The following UBE4B variants were observed in gnomAD, a reference collection of about 807,000 sequenced individuals.
UBE4B encodes ubiquitin conjugation factor E4 B.
In UBE4B, 27 loss-of-function variants were observed where a neutral mutation model predicts 148.1. The observed-to-expected ratio is 0.18, with a 90% CI of 0.13 to 0.25. The LOEUF (loss-of-function observed/expected upper bound fraction) is 0.25. Ranked by LOEUF, UBE4B falls within the 10% of genes least tolerant of loss-of-function variation. The probability of loss-of-function intolerance (pLI) is 1.00; values close to 1 mark genes in which losing one functional copy is unlikely to be tolerated. For missense variants in UBE4B, 1,170 were observed against 1,662.4 expected, an observed-to-expected ratio of 0.70 and a Z score of 5.15; for synonymous variants, 596 against 619.3, an observed-to-expected ratio of 0.96 and a Z score of 0.56.
intron 7 of UBE4B, among the ~76,000 whole-genome samples, chr1:10,108,304 A>G (rs1645156507): frequency 6.6e-6 from 1 of 151,316 alleles, no homozygotes; most frequent in African/African-American, 2.4e-5. Flanking sequence ...TTTCATGTCT[A>G]GCCTTAAATT....
chr1:10,052,041 G>A (rs1570783327), intron 1 of UBE4B, among the ~76,000 whole-genome samples: 1 of 151,798 alleles, frequency 6.6e-6, no homozygotes, highest in Non-Finnish European at 1.5e-5. Flanking sequence ...TCAGTGCTTG[G>A]TATAAATTCT....
chr1:10,154,475 G>T (rs1646034248), intron 21 of UBE4B, among the ~76,000 whole-genome samples: 2 of 152,136 alleles, frequency 1.3e-5, no homozygotes, highest in African/African-American at 4.8e-5. Context: ...TTATTCAATG[G>T]AAATAATTAC....
At chr1:10,051,043 A>T (rs528802506) in intron 1 of UBE4B, among the ~76,000 whole-genome samples, 1 of 151,870 alleles carries the variant, frequency 6.6e-6, no homozygotes, top group African/African-American at 2.4e-5. Context: ...GACTTGCTCT[A>T]TGGCCCAGGC....
chr1:10,061,528 G>C (rs1489228810), intron 1 of UBE4B, among the ~76,000 whole-genome samples: 2 of 152,144 alleles, frequency 1.3e-5, no homozygotes, highest in African/African-American at 4.8e-5. Context: ...TGGTATTACA[G>C]GGGTGAGCCA....
At chr1:10,104,650 T>C (rs1046836267) in intron 5 of UBE4B, among the ~76,000 whole-genome samples, 3 of 152,250 alleles carry the variant, frequency 2.0e-5, no homozygotes, top group African/African-American at 7.2e-5. Flanking sequence ...GCAGACCATG[T>C]ATTTGAAACT....
rs1428005302 is a variant in UBE4B at position 10,137,929 on chromosome 1, T to TC, written c.2363+724_2363+725insC. On this transcript the variant is annotated intron_variant, in intron 17 of 27. Coordinates refer to ENST00000343090, the MANE Select transcript of UBE4B (RefSeq NM_001105562.3). Reference sequence around the variant, plus strand: ...TAAATCACTTACTAATTCTTTTTTTTTTTTTTTTTTTTTTTTTTTTTTTGA... The same window carrying TC: ...TAAATCACTTACTAATTCTTTTTTTTCTTTTTTTTTTTTTTTTTTTTTTTGA... Among the ~76,000 whole-genome samples the TC allele has an allele frequency of 5.0e-5, 6 of 120,498 alleles. 1 individual carries two copies. The highest frequency in any genetic ancestry group is 7.0e-5 in the Non-Finnish European group (4 of 57,262). 79.1% of individuals were successfully genotyped at this position (120,498 alleles called of 152,430 possible).
intron 9 of UBE4B, 27 bp from the exon 10 acceptor site, chr1:10,121,935 C>A: frequency 1.3e-6 from 2 of 1,521,848 alleles, no homozygotes; most frequent in Non-Finnish European, 1.8e-6. Context: ...GACTTCATCA[C>A]CGTCCCTAAT....
At chr1:10,090,357 C>T (rs1387007889) in intron 2 of UBE4B, among the ~76,000 whole-genome samples, 1 of 151,782 alleles carries the variant, frequency 6.6e-6, no homozygotes, top group South Asian at 2.1e-4. Context: ...TGGACTGAAG[C>T]GATCTACTCC....
Position 10,168,101 on chromosome 1 carries a change from C to T in UBE4B, c.3199-35C>T, listed in dbSNP as rs995189478. 8.1e-6 allele frequency: 13 copies of T among 1,597,340 alleles called. No individual in the cohort carries two copies. In the Admixed American group the frequency reaches 1.0e-4, roughly 13 times the overall value. On this transcript the variant is annotated intron_variant, in intron 23 of 27. Transcript: ENST00000343090. The surrounding 1 kb of genome is among the most constrained non-coding windows in gnomAD (Gnocchi z 4.9). ...GCTTTGCTGAGCTGATGACCAGGAC[C>T]GAGCCTTACTCAGCGTCTGTTCGAT... is the stretch of plus-strand genomic sequence containing the variant.
chr1:10,059,205 T>G (rs1304138122), intron 1 of UBE4B: 1 of 151,906 alleles, frequency 6.6e-6, no homozygotes, highest in African/African-American at 2.4e-5. Context: ...ATTCCAGCCC[T>G]GGGGGACAGA....
At chr1:10,145,281 G>C in intron 18 of UBE4B, 1 of 296,424 alleles carries the variant, frequency 3.4e-6, no homozygotes, top group Non-Finnish European at 6.3e-6. Flanking sequence ...ATTCTTAATG[G>C]GTTTTATGAT....
At position 10,139,492 on chromosome 1, in the gene UBE4B, G is replaced by A. The variant is rs1375051329; in HGVS notation, c.2363+2287G>A. Reference sequence around the variant, plus strand: ...GAATTATGTTGTTTCTTCCTTAAATGTCAGAAAAAATTCAGTGATGAAGTT... The same window carrying A: ...GAATTATGTTGTTTCTTCCTTAAATATCAGAAAAAATTCAGTGATGAAGTT... On this transcript the variant is annotated intron_variant, in intron 17 of 27. Transcript: ENST00000343090. 4.6e-5 allele frequency among the ~76,000 whole-genome samples: 7 copies of A among 152,034 alleles called. No individual in the cohort carries two copies. The East Asian group carries it at 1.3e-3, about 29-fold the overall frequency.
At chr1:10,112,165 T>G (rs1645232638) in intron 7 of UBE4B, among the ~76,000 whole-genome samples, 1 of 152,140 alleles carries the variant, frequency 6.6e-6, no homozygotes, top group African/African-American at 2.4e-5. Flanking sequence ...GATGCAGCTC[T>G]GTTTCTATTA....
intron 25 of UBE4B, among the ~76,000 whole-genome samples, chr1:10,177,129 T>C (rs114168698): frequency 0.018 from 2,715 of 152,212 alleles, 36 homozygotes; most frequent in Non-Finnish European, 0.028. Flanking sequence ...TCATATCAGA[T>C]GATACATGTA....
At position 10,106,724 on chromosome 1, in the gene UBE4B, G is replaced by A; in HGVS notation, c.1196+141G>A. 1 of 1,153,532 alleles carries A rather than the reference G, an allele frequency of 8.7e-7. No homozygotes were observed. The allele number at this position is 1,153,532 out of a possible 1,614,324, so 71.5% of individuals were successfully genotyped here. Reference sequence around the variant, plus strand: ...TTAACCTGTGTGGCTAACTAGTTTGGTAGGCACGTACTCTGAGTCCATGCT... The same window carrying A: ...TTAACCTGTGTGGCTAACTAGTTTGATAGGCACGTACTCTGAGTCCATGCT... On this transcript the variant is annotated intron_variant, in intron 7 of 27. Coordinates refer to ENST00000343090, the MANE Select transcript of UBE4B (RefSeq NM_001105562.3). This position sits in a 1 kb window ranked among gnomAD's most constrained non-coding sequence, Gnocchi z 4.2.
chr1:10,100,893 A>G (rs569984627), intron 3 of UBE4B: 50 of 521,502 alleles, frequency 9.6e-5, no homozygotes, highest in African/African-American at 8.7e-4. Flanking sequence ...GAAAATGACA[A>G]CTTAGGAAAA....
chr1:10,095,702 T>A (rs751767399), intron 3 of UBE4B, 106 bp downstream of exon 3: 56 of 1,307,252 alleles, frequency 4.3e-5, no homozygotes, highest in Non-Finnish European at 6.0e-5. Flanking sequence ...TAGAGACCCA[T>A]GCCAGTCCTT....
chr1:10,101,890 G>A (rs914160006), intron 4 of UBE4B, among the ~76,000 whole-genome samples: 1 of 152,064 alleles, frequency 6.6e-6, no homozygotes, highest in East Asian at 1.9e-4. Flanking sequence ...GCAAGAATAT[G>A]TAGAATCTAG....
rs1298681737 is a variant in UBE4B at position 10,130,512 on chromosome 1, CG to C, written c.1710del (p.Leu571CysfsTer7). On this transcript the variant is annotated frameshift_variant, in exon 13 of 28. Transcript: ENST00000343090. LOFTEE classifies it high-confidence loss of function. ...ATCTTCTGCCTAGGTTGCTTCTTTG[CG>C]GTTGTGGTTGCCGAAATCCTTAAGT... ...HPVCNLVASL[R>X]LWLPKSLSPG... 1 of 1,613,844 alleles carries C rather than the reference CG, an allele frequency of 6.2e-7. No homozygotes were observed. Among genetic ancestry groups the C allele is most frequent in the African/African-American group, 1.3e-5 (1 of 74,892 alleles).
Sources: gnomAD v4.1 joint callset for allele counts (sites outside exome capture counted in the v4.1 genomes callset) on GRCh38, gnomAD v4.1.1 for gene constraint, Gnocchi (gnomAD v3.1) non-coding constraint, MANE v1.5 for transcripts, NCBI Gene and HGNC (gene_info 2026-07-23, HGNC 2026-07-21) for gene names.